TMEM177: variants seen among roughly 807,000 people sequenced by gnomAD.
The protein encoded by TMEM177 is transmembrane protein 177.
TMEM177 carries 4 observed loss-of-function variants against 14.2 expected under a neutral mutation model. That is an observed-to-expected ratio of 0.28 (90% confidence interval 0.14 to 0.64). The LOEUF (loss-of-function observed/expected upper bound fraction) is 0.64, where lower values mean the gene tolerates loss of function less well. TMEM177 is among the 30% of genes least tolerant of loss of function. The pLI is 0.82. For missense variants in TMEM177, 344 were observed against 405.2 expected (o/e 0.85, Z 1.30); for synonymous variants, 179 against 174.5 (o/e 1.03, Z -0.20).
chr2:119,706,584 T>C, the TMEM177 span, among the ~76,000 whole-genome samples: 1 of 152,236 alleles, frequency 6.6e-6, no homozygotes, highest in Non-Finnish European at 1.5e-5. Flanking sequence ...TTCCTTTTTT[T>C]TTCTTTTGTT....
chr2:119,682,817 G>A (rs576971626), downstream of TMEM177, among the ~76,000 whole-genome samples: 2 of 152,192 alleles, frequency 1.3e-5, no homozygotes, highest in East Asian at 1.9e-4. Flanking sequence ...AGCTTGGCTC[G>A]TAGGGGTCAG....
chr2:119,686,269 TA>T (rs11344778), downstream of TMEM177: 115,458 of 152,144 alleles, frequency 0.76, 45,286 homozygotes, highest in South Asian at 0.87. Flanking sequence ...TAGTAGGCTT[TA>T]AAAAAAAGAT....
At chr2:119,693,116 C>T in the TMEM177 span, among the ~76,000 whole-genome samples, 2 of 152,168 alleles carry the variant, frequency 1.3e-5, no homozygotes, top group African/African-American at 4.8e-5. Context: ...CACGTGAAGC[C>T]TGTGCTGTTT....
the TMEM177 span, among the ~76,000 whole-genome samples, chr2:119,717,767 C>T: frequency 9.3e-4 from 142 of 152,108 alleles, 2 homozygotes; most frequent in South Asian, 1.9e-3. Context: ...CGCCACCATA[C>T]CCAGCTAATT....
At position 119,681,657 on chromosome 2, in the gene TMEM177, G is replaced by A; in HGVS notation, c.804G>A (p.Gly268=). The A allele has an allele frequency of 1.2e-6, 2 of 1,614,200 alleles. No homozygotes were observed. The highest frequency in any genetic ancestry group is 1.3e-5 in the African/African-American group (1 of 75,060). ...LALRSLLGKD[G]EKLYTPSGNI... Reference sequence around the variant, plus strand: ...TGCGCAGTCTCTTGGGCAAAGACGGGGAGAAGCTGTATACACCCAGCGGGA... The same window carrying A: ...TGCGCAGTCTCTTGGGCAAAGACGGAGAGAAGCTGTATACACCCAGCGGGA... Residue 268 remains glycine (G), a synonymous_variant, in exon 2 of 2, where the codon GGG becomes GGA. Coordinates refer to ENST00000272521, the MANE Select transcript of TMEM177 (RefSeq NM_030577.3).
chr2:119,696,648 G>A, the TMEM177 span, among the ~76,000 whole-genome samples: 1 of 152,206 alleles, frequency 6.6e-6, no homozygotes, highest in African/African-American at 2.4e-5. Flanking sequence ...GGGGGCAGAT[G>A]CATTTCTCAA....
the TMEM177 span, among the ~76,000 whole-genome samples, chr2:119,703,589 T>C: frequency 6.6e-6 from 1 of 152,166 alleles, no homozygotes; most frequent in African/African-American, 2.4e-5. Flanking sequence ...TCACATATAA[T>C]GTGGATGTTT....
chr2:119,690,661 C>T (rs1342351834), downstream of TMEM177, among the ~76,000 whole-genome samples: 1 of 152,228 alleles, frequency 6.6e-6, no homozygotes, highest in Non-Finnish European at 1.5e-5. Context: ...AGTGTCACTG[C>T]TCTATCATCA....
chr2:119,710,298 A>G, the TMEM177 span, among the ~76,000 whole-genome samples: 1 of 152,214 alleles, frequency 6.6e-6, no homozygotes, highest in Non-Finnish European at 1.5e-5. Context: ...GGAGCAGTGT[A>G]TTGGGCAGTA....
At chr2:119,708,874 T>C in the TMEM177 span, among the ~76,000 whole-genome samples, 1 of 152,238 alleles carries the variant, frequency 6.6e-6, no homozygotes, top group Admixed American at 6.5e-5. Context: ...TTTCTACATT[T>C]CTTTGTTTTG....
chr2:119,712,368 C>G, the TMEM177 span, among the ~76,000 whole-genome samples: 1 of 152,044 alleles, frequency 6.6e-6, no homozygotes, highest in Non-Finnish European at 1.5e-5. Context: ...ATGTTGAAGC[C>G]TGAACCCCCA....
the TMEM177 span, among the ~76,000 whole-genome samples, chr2:119,707,528 T>A: frequency 6.6e-6 from 1 of 152,216 alleles, no homozygotes. Flanking sequence ...TTGGTTTCTT[T>A]GCCAGAAAGG....
At chr2:119,680,388 C>T (rs1268575031) in intron 1 of TMEM177, among the ~76,000 whole-genome samples, 1 of 152,172 alleles carries the variant, frequency 6.6e-6, no homozygotes, top group Non-Finnish European at 1.5e-5. Context: ...GTGCTCAGAA[C>T]TGAGTCTAGC....
chr2:119,695,599 G>C, the TMEM177 span, among the ~76,000 whole-genome samples: 1 of 152,210 alleles, frequency 6.6e-6, no homozygotes, highest in African/African-American at 2.4e-5. Context: ...AGGGAGGCCT[G>C]CGGGCTGAGA....
At chr2:119,699,925 G>A in the TMEM177 span, 2 of 437,418 alleles carry the variant, frequency 4.6e-6, no homozygotes, top group Admixed American at 4.6e-5. Flanking sequence ...TAAGGGTTTA[G>A]ATGTAGATTC....
the TMEM177 span, among the ~76,000 whole-genome samples, chr2:119,694,124 C>T: frequency 3.5e-5 from 1 of 28,290 alleles, no homozygotes; most frequent in East Asian, 1.1e-3. Flanking sequence ...ACATGCACCA[C>T]ATGCCACGCA....
the TMEM177 span, among the ~76,000 whole-genome samples, chr2:119,714,603 C>G: frequency 6.6e-6 from 1 of 152,218 alleles, no homozygotes; most frequent in Non-Finnish European, 1.5e-5. Context: ...AATGACCACT[C>G]CTTCGATCTG....
At chr2:119,687,201 G>A (rs1689029144), downstream of TMEM177, among the ~76,000 whole-genome samples, 1 of 152,162 alleles carries the variant, frequency 6.6e-6, no homozygotes, top group South Asian at 2.1e-4. Flanking sequence ...GACCCACATG[G>A]CGAGGAACTA....
chr2:119,683,966 C>T (rs1688965370), downstream of TMEM177, among the ~76,000 whole-genome samples: 1 of 151,728 alleles, frequency 6.6e-6, no homozygotes, highest in African/African-American at 2.4e-5. Context: ...CTTTCCCTCC[C>T]AGTAGCTCTC....
Sources: gnomAD v4.1 joint callset for allele counts (sites outside exome capture counted in the v4.1 genomes callset) on GRCh38, gnomAD v4.1.1 for gene constraint, MANE v1.5 for transcripts, NCBI Gene and HGNC (gene_info 2026-07-23, HGNC 2026-07-21) for gene names.